Variants in GFI1B observed in about 807,000 individuals in gnomAD.
The protein encoded by GFI1B is zinc finger protein Gfi-1b.
A neutral mutation model predicts 35.3 loss-of-function variants in GFI1B; 20 were observed. The ratio of observed to expected loss-of-function variants is 0.57; its 90% CI spans 0.40 to 0.82. GFI1B has a LOEUF of 0.82. Ranked by LOEUF, GFI1B falls within the 40% of genes least tolerant of loss-of-function variation. The pLI is 0.00. For synonymous variants in GFI1B, 178 were observed against 177.6 expected (o/e 1.00, Z -0.02); for missense variants, 430 against 446.3 (o/e 0.96, Z 0.33).
rs749288375 is a variant in GFI1B at position 132,989,854 on chromosome 9, G to A, written c.761G>A (p.Gly254Asp). The change falls in exon 6 of 7, where the codon GGC (glycine) becomes GAC (aspartate). Residue 254 changes from glycine to aspartate, a missense_variant. Gly to Asp is a moderately conservative substitution (Grantham distance 94). Coordinates refer to ENST00000372122, the MANE Select transcript of GFI1B (RefSeq NM_001377304.1). This position sits in a 1 kb window ranked among gnomAD's most constrained non-coding sequence, Gnocchi z 6.2. ...CGGCCCTACCCCTGCCAGTTCTGCG[G>A]CAAGCGTTTCCACCAGAAGTCCGAC... ...DTRPYPCQFC[G>D]KRFHQKSDMK... The A allele has an allele frequency of 1.2e-5, 20 of 1,614,124 alleles. No homozygotes were observed. The African/African-American group carries it at 1.9e-4, about 15-fold the overall frequency.
At chr9:132,979,269 T>A (rs1026518199) in intron 1 of GFI1B, among the ~76,000 whole-genome samples, 2 of 122,252 alleles carry the variant, frequency 1.6e-5, no homozygotes, top group South Asian at 3.0e-4. Flanking sequence ...TTTTTTTTTT[T>A]TTTTTGAGAC....
chr9:132,989,852 C>G lies in GFI1B; in HGVS notation c.759C>G (p.Cys253Trp). The G allele has an allele frequency of 6.2e-7, 1 of 1,614,214 alleles. No individual in the cohort carries two copies. The highest frequency in any genetic ancestry group is 8.5e-7 in the Non-Finnish European group (1 of 1,179,998). ...CGCGGCCCTACCCCTGCCAGTTCTG[C>G]GGCAAGCGTTTCCACCAGAAGTCCG... ...SDTRPYPCQF[C>W]GKRFHQKSDM... Residue 253 changes from cysteine to tryptophan, a missense_variant, in exon 6 of 7, where the codon TGC becomes TGG. Cys to Trp is a radical substitution (Grantham distance 215). Transcript: ENST00000372122. The surrounding 1 kb of genome is among the most constrained non-coding windows in gnomAD (Gnocchi z 6.2).
At chr9:132,972,414 T>C (rs1293740146) in intron 1 of GFI1B, among the ~76,000 whole-genome samples, 1 of 151,968 alleles carries the variant, frequency 6.6e-6, no homozygotes, top group East Asian at 1.9e-4. Flanking sequence ...AGAGCTAGAC[T>C]CCGTTTCAAA....
chr9:132,993,242 C>T (rs1014297505), downstream of GFI1B, among the ~76,000 whole-genome samples: 3 of 152,072 alleles, frequency 2.0e-5, no homozygotes, highest in South Asian at 2.1e-4. Flanking sequence ...TGCAGTGAGC[C>T]GAGATGTTGT....
At chr9:132,962,763 A>C (rs80069081) in intron 1 of GFI1B, 383 of 338,716 alleles carry the variant, frequency 1.1e-3, no homozygotes, top group Non-Finnish European at 1.6e-3. Context: ...GGACAGTTTG[A>C]CATGTTTTAT....
At chr9:132,966,789 C>T (rs1234883015) in intron 1 of GFI1B, among the ~76,000 whole-genome samples, 1 of 152,198 alleles carries the variant, frequency 6.6e-6, no homozygotes, top group African/African-American at 2.4e-5. Context: ...TTAGATGCCT[C>T]CTGATGCAGT....
chr9:132,966,820 TG>T (rs1253842738), intron 1 of GFI1B, among the ~76,000 whole-genome samples: 1 of 152,222 alleles, frequency 6.6e-6, no homozygotes, highest in African/African-American at 2.4e-5. Context: ...GCGTCACCTG[TG>T]AAGTATCCGT....
intron 1 of GFI1B, chr9:132,947,385 A>T (rs1232421797): frequency 6.7e-6 from 1 of 149,374 alleles, no homozygotes; most frequent in African/African-American, 2.5e-5. Flanking sequence ...GCTTAAGACA[A>T]GTTCAATTAG....
rs369714093 is a variant in GFI1B at position 132,948,412 on chromosome 9, G to A, written c.-701+2743G>A. Reference sequence around the variant, plus strand: ...GCCCTGGCCTTCCAAGTTCCATGAAGCAATAACTATTTTGGCCAATGCTAG... The same window carrying A: ...GCCCTGGCCTTCCAAGTTCCATGAAACAATAACTATTTTGGCCAATGCTAG... On this transcript the variant is annotated intron_variant, in intron 1 of 10. Coordinates refer to the GFI1B transcript ENST00000339463. Among the ~76,000 whole-genome samples, 36 of 152,318 alleles carry A rather than the reference G, an allele frequency of 2.4e-4. No individual in the cohort carries two copies. In the South Asian group the frequency reaches 7.5e-3, roughly 32 times the overall value.
intron 1 of GFI1B, among the ~76,000 whole-genome samples, chr9:132,964,254 T>A (rs1045082806): frequency 3.3e-5 from 5 of 151,994 alleles, no homozygotes; most frequent in African/African-American, 7.2e-5. Flanking sequence ...ATAAATAAAT[T>A]AATTAAATAA....
chr9:132,980,164 A>C (rs1226977344), intron 1 of GFI1B, among the ~76,000 whole-genome samples: 1 of 152,188 alleles, frequency 6.6e-6, no homozygotes, highest in Admixed American at 6.5e-5. Flanking sequence ...CGGTTTGATT[A>C]ATGGAATCAC....
upstream of GFI1B, among the ~76,000 whole-genome samples, chr9:132,974,833 G>C (rs1285777984): frequency 6.6e-6 from 1 of 152,148 alleles, no homozygotes; most frequent in Non-Finnish European, 1.5e-5. Flanking sequence ...CAGGCAGAGG[G>C]CACGAGAAGT....
chr9:132,954,672 T>G (rs1385264494), intron 1 of GFI1B, among the ~76,000 whole-genome samples: 1 of 151,976 alleles, frequency 6.6e-6, no homozygotes, highest in Non-Finnish European at 1.5e-5. Context: ...TCCTCCTGCC[T>G]TGGCCTTGCA....
intron 1 of GFI1B, among the ~76,000 whole-genome samples, chr9:132,970,226 G>A (rs1292014279): frequency 6.6e-6 from 1 of 152,112 alleles, no homozygotes; most frequent in African/African-American, 2.4e-5. Context: ...GGAGACTGGA[G>A]CCAAGCCCTG....
upstream of GFI1B, among the ~76,000 whole-genome samples, chr9:132,973,890 C>T (rs919526622): frequency 7.9e-5 from 12 of 152,196 alleles, no homozygotes; most frequent in African/African-American, 1.9e-4. Flanking sequence ...CTGCCAGCCC[C>T]GGCCAATGAG....
At chr9:132,976,786 A>T (rs200617328), upstream of GFI1B, among the ~76,000 whole-genome samples, 4 of 152,060 alleles carry the variant, frequency 2.6e-5, no homozygotes, top group African/African-American at 9.7e-5. Context: ...TCTAAAAAAA[A>T]TAAAAAAATT....
upstream of GFI1B, among the ~76,000 whole-genome samples, chr9:132,974,258 T>C (rs1273540257): frequency 6.6e-6 from 1 of 152,172 alleles, no homozygotes; most frequent in East Asian, 1.9e-4. Flanking sequence ...TCTTGTAGCA[T>C]GGACATTCCT....
chr9:132,957,275 A>C (rs1848296673), intron 1 of GFI1B, among the ~76,000 whole-genome samples: 1 of 152,224 alleles, frequency 6.6e-6, no homozygotes, highest in Non-Finnish European at 1.5e-5. Context: ...TGACACCTTC[A>C]GACAAAATAG....
intron 1 of GFI1B, among the ~76,000 whole-genome samples, chr9:132,981,093 G>A (rs532568349): frequency 2.0e-5 from 3 of 152,204 alleles, no homozygotes; most frequent in South Asian, 2.1e-4. Flanking sequence ...GTGGGGTTTC[G>A]CCATTTTGGC....
Sources: gnomAD v4.1 joint callset for allele counts (sites outside exome capture counted in the v4.1 genomes callset) on GRCh38, gnomAD v4.1.1 for gene constraint, Gnocchi (gnomAD v3.1) non-coding constraint, MANE v1.5 for transcripts, NCBI Gene and HGNC (gene_info 2026-07-23, HGNC 2026-07-21) for gene names.